BEND6: variants seen among roughly 807,000 people sequenced by gnomAD.
BEND6 encodes BEN domain-containing protein 6.
Under a neutral mutation model 31.8 loss-of-function variants are expected in BEND6, and 24 were observed. That is an observed-to-expected ratio of 0.75 (90% confidence interval 0.55 to 1.06). BEND6 has a LOEUF of 1.06. BEND6 is among the 50% of genes least tolerant of loss of function. The probability of loss-of-function intolerance (pLI) is 0.00; values close to 1 mark genes in which losing one functional copy is unlikely to be tolerated. For missense variants in BEND6, 294 were observed against 327.4 expected, an observed-to-expected ratio of 0.90 and a Z score of 0.79; for synonymous variants, 109 against 114.6, an observed-to-expected ratio of 0.95 and a Z score of 0.31.
At chr6:57,007,047 T>C (rs1827183343) in intron 3 of BEND6, among the ~76,000 whole-genome samples, 1 of 152,118 alleles carries the variant, frequency 6.6e-6, no homozygotes. Context: ...CCTAACACTT[T>C]GGGGGGCCGA....
At position 56,991,444 on chromosome 6, in the gene BEND6, G is replaced by T. The variant is rs139410127; in HGVS notation, c.121-934G>T. Among the ~76,000 whole-genome samples the T allele has an allele frequency of 5.3e-3, 800 of 151,690 alleles. 7 individuals carry two copies. The highest frequency in any genetic ancestry group is 0.018 in the African/African-American group (752 of 41,350). ...GGGTGGAGCGCAGTGGTACCATCTCGGCTTACTGCAGCCTCTACCTCCCTT... is the reference window on the plus strand; with the variant it reads ...GGGTGGAGCGCAGTGGTACCATCTCTGCTTACTGCAGCCTCTACCTCCCTT... On this transcript the variant is annotated intron_variant, in intron 2 of 6. Coordinates refer to ENST00000370746, the MANE Select transcript of BEND6 (RefSeq NM_152731.3).
chr6:56,964,034 T>G (rs1825381820), intron 1 of BEND6, among the ~76,000 whole-genome samples: 1 of 148,120 alleles, frequency 6.8e-6, no homozygotes, highest in Admixed American at 6.8e-5. Context: ...TTACAATTAA[T>G]ATTATAATTA....
At chr6:56,998,245 A>AT (rs977636538) in intron 3 of BEND6, among the ~76,000 whole-genome samples, 1 of 152,204 alleles carries the variant, frequency 6.6e-6, no homozygotes, top group African/African-American at 2.4e-5. Flanking sequence ...GGAAGACTAT[A>AT]TGCTGATTAT....
chr6:57,015,500 C>A, intron 4 of BEND6, 147 bp downstream of exon 4: 2 of 904,368 alleles, frequency 2.2e-6, no homozygotes, highest in Non-Finnish European at 3.2e-6. Flanking sequence ...TTAAGTACCA[C>A]AAAGAAGAGG....
intron 1 of BEND6, among the ~76,000 whole-genome samples, chr6:56,964,237 G>A (rs956869142): frequency 2.0e-5 from 3 of 151,972 alleles, no homozygotes; most frequent in African/African-American, 7.2e-5. Flanking sequence ...GACCTGCTTT[G>A]TAAGGGTTTC....
chr6:57,003,996 C>T (rs1179568491), intron 3 of BEND6, among the ~76,000 whole-genome samples: 2 of 152,014 alleles, frequency 1.3e-5, no homozygotes, highest in Non-Finnish European at 2.9e-5. Flanking sequence ...TTGATAAAAA[C>T]CCTCAAGAAA....
At position 56,964,828 on chromosome 6, in the gene BEND6, C is replaced by A. The variant is rs533861765; in HGVS notation, c.-101+9368C>A. ...AGTCTTTGACACTTCTGAACCTCGA[C>A]GTTAGGTTGCATACTTTGATCTCAC... On this transcript the variant is annotated intron_variant, in intron 1 of 6. Coordinates refer to ENST00000370746, the MANE Select transcript of BEND6 (RefSeq NM_152731.3). Among the ~76,000 whole-genome samples the A allele has an allele frequency of 2.6e-5, 4 of 152,268 alleles. No individual in the cohort carries two copies. The East Asian group carries it at 7.7e-4, about 29-fold the overall frequency.
intron 5 of BEND6, among the ~76,000 whole-genome samples, chr6:57,018,137 A>G (rs1030460785): frequency 4.6e-5 from 7 of 152,224 alleles, no homozygotes; most frequent in Non-Finnish European, 8.8e-5. Context: ...CATTCCTAAC[A>G]TTTTAGAGCA....
intron 3 of BEND6, among the ~76,000 whole-genome samples, chr6:56,998,599 T>C (rs1826812961): frequency 6.6e-6 from 1 of 151,822 alleles, no homozygotes; most frequent in African/African-American, 2.4e-5. Flanking sequence ...GAATGAAAAA[T>C]CAATGTTTTT....
At chr6:57,013,263 C>T (rs1159362679) in intron 3 of BEND6, among the ~76,000 whole-genome samples, 1 of 152,138 alleles carries the variant, frequency 6.6e-6, no homozygotes, top group Non-Finnish European at 1.5e-5. Flanking sequence ...ACTCACAGAA[C>T]ATTTGTTACA....
chr6:56,956,966 T>G (rs984612682), intron 1 of BEND6, among the ~76,000 whole-genome samples: 1 of 152,228 alleles, frequency 6.6e-6, no homozygotes, highest in African/African-American at 2.4e-5. Flanking sequence ...GGGAAATAAC[T>G]AACAGAATTT....
chr6:57,016,655 A>C (rs1325940919), intron 4 of BEND6, among the ~76,000 whole-genome samples: 1 of 152,116 alleles, frequency 6.6e-6, no homozygotes, highest in Non-Finnish European at 1.5e-5. Context: ...CACACTTCAG[A>C]TCTTCCCTCC....
rs1035584540 is a variant in BEND6 at position 56,964,146 on chromosome 6, T to G, written c.-101+8686T>G. On this transcript the variant is annotated intron_variant, in intron 1 of 6. Transcript: ENST00000370746. The stretch of plus-strand genomic sequence containing the variant: ...ATGGAGAGACAGAAGCACAGAAAGA[T>G]TACATGGGTAGTAAGTATTGGAGCT... 2.6e-5 allele frequency among the ~76,000 whole-genome samples: 4 copies of G among 151,914 alleles called. No homozygotes were observed. In the East Asian group the frequency reaches 7.7e-4, roughly 29 times the overall value.
intron 2 of BEND6, among the ~76,000 whole-genome samples, chr6:56,987,246 C>T (rs1280532585): frequency 1.3e-5 from 2 of 152,136 alleles, no homozygotes; most frequent in Non-Finnish European, 2.9e-5. Flanking sequence ...TCCCAAAGTA[C>T]TGGGATTACA....
chr6:56,995,466 A>G (rs566432503), intron 3 of BEND6, among the ~76,000 whole-genome samples: 101 of 152,276 alleles, frequency 6.6e-4, no homozygotes, highest in African/African-American at 2.2e-3. Flanking sequence ...ACAAAGTACC[A>G]CAAACTAGGT....
At chr6:56,985,150 C>T (rs574284302) in intron 2 of BEND6, among the ~76,000 whole-genome samples, 17 of 152,312 alleles carry the variant, frequency 1.1e-4, no homozygotes, top group African/African-American at 4.1e-4. Context: ...TAACAAGAAT[C>T]AATGGCTATC....
At chr6:56,972,086 C>CTTTTTTTT (rs35524907) in intron 1 of BEND6, among the ~76,000 whole-genome samples, 8 of 62,550 alleles carry the variant, frequency 1.3e-4, no homozygotes, top group East Asian at 1.1e-3. Flanking sequence ...ACTTTACTTT[C>CTTTTTTTT]TTTTTTTTTT....
chr6:56,996,623 T>G (rs1826723684), intron 3 of BEND6, among the ~76,000 whole-genome samples: 1 of 152,212 alleles, frequency 6.6e-6, no homozygotes, highest in Non-Finnish European at 1.5e-5. Context: ...ACCTGTTTCT[T>G]TCTTCCTCAT....
At chr6:56,981,412 G>A (rs1826062600) in intron 1 of BEND6, among the ~76,000 whole-genome samples, 1 of 152,182 alleles carries the variant, frequency 6.6e-6, no homozygotes, top group Non-Finnish European at 1.5e-5. Context: ...AATGTTTCTA[G>A]TTTCGTAGAC....
Sources: gnomAD v4.1 joint callset for allele counts (sites outside exome capture counted in the v4.1 genomes callset) on GRCh38, gnomAD v4.1.1 for gene constraint, MANE v1.5 for transcripts, NCBI Gene and HGNC (gene_info 2026-07-23, HGNC 2026-07-21) for gene names.